The following SLC41A2 variants were observed in gnomAD, a reference collection of about 807,000 sequenced individuals.
SLC41A2 encodes SLC41A1-like 1.
In SLC41A2, 32 loss-of-function variants were observed where a neutral mutation model predicts 58.3. The observed-to-expected ratio is 0.55, with a 90% CI of 0.41 to 0.74. SLC41A2 has a LOEUF of 0.74. Among genes scored for constraint, SLC41A2 ranks in the 30% least tolerant of loss-of-function variants. The pLI is 0.00. For synonymous variants in SLC41A2, 190 were observed against 235.0 expected (o/e 0.81, Z 1.75); for missense variants, 514 against 680.6 (o/e 0.76, Z 2.72).
intron 2 of SLC41A2, among the ~76,000 whole-genome samples, chr12:104,918,507 G>A (rs546133651): frequency 1.3e-3 from 198 of 150,606 alleles, no homozygotes; most frequent in Non-Finnish European, 2.0e-3. Context: ...AGAGCTCTAA[G>A]ACAAATTAAG....
chr12:104,866,260 C>T (rs912605228), intron 7 of SLC41A2, among the ~76,000 whole-genome samples, 172 bp downstream of exon 7: 13 of 151,884 alleles, frequency 8.6e-5, no homozygotes, highest in East Asian at 3.9e-4. Flanking sequence ...TTATAATACC[C>T]GGGAGAATAA....
chr12:104,833,787 G>GTTT (rs35911723), intron 10 of SLC41A2, among the ~76,000 whole-genome samples: 3 of 147,060 alleles, frequency 2.0e-5, no homozygotes, highest in Non-Finnish European at 1.5e-5. Flanking sequence ...GTGTTTTGTT[G>GTTT]TTTTTTTTTT....
At chr12:104,858,954 T>C (rs1369694666) in intron 8 of SLC41A2, among the ~76,000 whole-genome samples, 1 of 152,238 alleles carries the variant, frequency 6.6e-6, no homozygotes, top group East Asian at 1.9e-4. Context: ...AAAAGGGTTA[T>C]TGTAATTTAA....
intron 3 of SLC41A2, among the ~76,000 whole-genome samples, chr12:104,906,124 C>G (rs976599135): frequency 6.6e-6 from 1 of 152,206 alleles, no homozygotes; most frequent in African/African-American, 2.4e-5. Flanking sequence ...AAGATAAAAG[C>G]TAGAGATATA....
chr12:104,943,507 G>C (rs777526282), intron 1 of SLC41A2, among the ~76,000 whole-genome samples: 1 of 152,112 alleles, frequency 6.6e-6, no homozygotes, highest in Non-Finnish European at 1.5e-5. Context: ...TTCAAATGGA[G>C]CTCCAGATGC....
intron 8 of SLC41A2, among the ~76,000 whole-genome samples, chr12:104,860,022 G>T (rs1054580410): frequency 6.6e-6 from 1 of 152,082 alleles, no homozygotes; most frequent in Admixed American, 6.6e-5. Flanking sequence ...GGATTACAGG[G>T]ATGAGCCACC....
At chr12:104,816,318 C>A (rs1450361271) in intron 10 of SLC41A2, among the ~76,000 whole-genome samples, 1 of 152,202 alleles carries the variant, frequency 6.6e-6, no homozygotes, top group African/African-American at 2.4e-5. Flanking sequence ...GACCTACCAA[C>A]AGAAAACGAT....
At chr12:104,947,039 A>G (rs1432059836) in intron 1 of SLC41A2, among the ~76,000 whole-genome samples, 1 of 152,066 alleles carries the variant, frequency 6.6e-6, no homozygotes. Flanking sequence ...GTTAGCTAAT[A>G]TTATCATTAT....
At chr12:104,935,333 G>T (rs1369525108) in intron 1 of SLC41A2, among the ~76,000 whole-genome samples, 1 of 150,150 alleles carries the variant, frequency 6.7e-6, no homozygotes. Context: ...GTTTCAAAAT[G>T]CCAAAAAAAA....
chr12:104,827,217 T>C (rs2041876816), intron 10 of SLC41A2, among the ~76,000 whole-genome samples: 1 of 152,200 alleles, frequency 6.6e-6, no homozygotes, highest in African/African-American at 2.4e-5. Flanking sequence ...AGGATAAATT[T>C]ATTATTCAGG....
intron 6 of SLC41A2, among the ~76,000 whole-genome samples, chr12:104,874,293 C>T (rs1020500890): frequency 2.6e-5 from 4 of 152,044 alleles, no homozygotes; most frequent in Non-Finnish European, 5.9e-5. Context: ...CCAGGATGGT[C>T]TCCATCTCCT....
At chr12:104,887,684 T>C (rs1281037826) in intron 5 of SLC41A2, among the ~76,000 whole-genome samples, 1 of 152,010 alleles carries the variant, frequency 6.6e-6, no homozygotes, top group Admixed American at 6.6e-5. Context: ...CATAGTACCA[T>C]CTATATCTTT....
At chr12:104,815,272 C>T (rs1166280984) in intron 10 of SLC41A2, among the ~76,000 whole-genome samples, 2 of 152,160 alleles carry the variant, frequency 1.3e-5, no homozygotes, top group Non-Finnish European at 2.9e-5. Flanking sequence ...GGAATGCAGG[C>T]TTTTCCTTGG....
intron 1 of SLC41A2, among the ~76,000 whole-genome samples, chr12:104,941,262 C>T (rs916558691): frequency 6.6e-6 from 1 of 152,164 alleles, no homozygotes; most frequent in African/African-American, 2.4e-5. Flanking sequence ...AACAATTGCT[C>T]ATTTCTAGGG....
chr12:104,805,961 A>C (rs936513557), intron 10 of SLC41A2, among the ~76,000 whole-genome samples: 1 of 152,232 alleles, frequency 6.6e-6, no homozygotes, highest in Non-Finnish European at 1.5e-5. Context: ...CTAGAATATC[A>C]GGAATATAAA....
chr12:104,901,576 G>T (rs2045563097), intron 3 of SLC41A2, among the ~76,000 whole-genome samples: 1 of 151,980 alleles, frequency 6.6e-6, no homozygotes, highest in South Asian at 2.1e-4. Flanking sequence ...GACAGGGTCA[G>T]TCTCACTCTG....
At chr12:104,885,978 A>G (rs1174533428) in intron 6 of SLC41A2, among the ~76,000 whole-genome samples, 1 of 152,130 alleles carries the variant, frequency 6.6e-6, no homozygotes, top group Non-Finnish European at 1.5e-5. Context: ...ACAAAATATG[A>G]TAAGCCTGTG....
At chr12:104,826,148 G>A (rs564494008) in intron 10 of SLC41A2, among the ~76,000 whole-genome samples, 1 of 152,066 alleles carries the variant, frequency 6.6e-6, no homozygotes, top group Non-Finnish European at 1.5e-5. Context: ...CTTCACCACC[G>A]CCAGCTTATA....
intron 10 of SLC41A2, among the ~76,000 whole-genome samples, chr12:104,835,851 A>ATT (rs5800638): frequency 1.5e-3 from 229 of 150,418 alleles, no homozygotes; most frequent in Middle Eastern, 0.01. Flanking sequence ...ACAAAGCATC[A>ATT]TTTTTTTTTT....
Sources: gnomAD v4.1 joint callset for allele counts (sites outside exome capture counted in the v4.1 genomes callset) on GRCh38, gnomAD v4.1.1 for gene constraint, MANE v1.5 for transcripts, NCBI Gene and HGNC (gene_info 2026-07-23, HGNC 2026-07-21) for gene names.